RAPGEFL1: variants seen among roughly 807,000 people sequenced by gnomAD.
The protein encoded by RAPGEFL1 is rap guanine nucleotide exchange factor-like 1.
Under a neutral mutation model 64.4 loss-of-function variants are expected in RAPGEFL1, and 31 were observed. That is an observed-to-expected ratio of 0.48 (90% CI 0.36 to 0.65). The LOEUF is 0.65. Ranked by LOEUF, RAPGEFL1 falls within the 30% of genes least tolerant of loss-of-function variation. The pLI is 0.00. For missense variants in RAPGEFL1, 682 were observed against 677.4 expected, an observed-to-expected ratio of 1.01 and a Z score of -0.08; for synonymous variants, 331 against 274.1, an observed-to-expected ratio of 1.21 and a Z score of -2.05.
At chr17:40,177,281 A>G, upstream of RAPGEFL1, 3 of 702,576 alleles carry the variant, frequency 4.3e-6, no homozygotes, top group Non-Finnish European at 2.6e-6. Flanking sequence ...ATCCTTCCCC[A>G]TTGGTAAATC....
In RAPGEFL1 at chr17:40,178,332, G is replaced by T; in HGVS notation, c.471G>T (p.Arg157=). The change falls in exon 1 of 15, where the codon CGG becomes CGT. Residue 157 remains arginine (R), a synonymous_variant. Coordinates refer to ENST00000620260, the MANE Select transcript of RAPGEFL1 (RefSeq NM_016339.6). ...APERPEHLLN[R]VLERLAGGAT... ...AGCGGCCCGAGCATCTTCTGAACCG[G>T]GTTCTGGAGCGGCTTGCTGGAGGGG... 1 of 577,390 alleles carries T rather than the reference G, an allele frequency of 1.7e-6. No individual in the cohort carries two copies. The highest frequency in any genetic ancestry group is 1.9e-5 in the South Asian group (1 of 52,650). The allele number at this position is 577,390 out of a possible 1,614,324, so 35.8% of individuals were successfully genotyped here.
Position 40,191,548 on chromosome 17 carries a change from C to T in RAPGEFL1, c.1515-34C>T. On this transcript the variant is annotated intron_variant, in intron 9 of 14. Coordinates refer to ENST00000620260, the MANE Select transcript of RAPGEFL1 (RefSeq NM_016339.6). The surrounding 1 kb of genome is among the most constrained non-coding windows in gnomAD (Gnocchi z 5.1). Reference sequence around the variant, plus strand: ...GCCGGAGGCCGGAGGCCCGCGCCGCCGCCCGCCCCTGACCCCGCCTCCCAC... The same window carrying T: ...GCCGGAGGCCGGAGGCCCGCGCCGCTGCCCGCCCCTGACCCCGCCTCCCAC... 3 of 1,557,342 alleles carry T rather than the reference C, an allele frequency of 1.9e-6. No homozygotes were observed. The highest frequency in any genetic ancestry group is 4.8e-5 in the East Asian group (2 of 41,802).
rs74792881 is a variant in RAPGEFL1 at position 40,193,875 on chromosome 17, C to T, written c.*87C>T. ...CGATGTCTCAACCAACATCTGACATCTTTCCCGTGGAGCAACTTCCTGCTC... is the reference window on the plus strand; with the variant it reads ...CGATGTCTCAACCAACATCTGACATTTTTCCCGTGGAGCAACTTCCTGCTC... On this transcript the variant is annotated 3_prime_UTR_variant, in exon 15 of 15. Coordinates refer to ENST00000620260, the MANE Select transcript of RAPGEFL1 (RefSeq NM_016339.6). The T allele has an allele frequency of 0.018, 28,838 of 1,563,418 alleles. 470 individuals are homozygous for T. The highest frequency in any genetic ancestry group is 0.019 in the Non-Finnish European group (21,401 of 1,149,428).
In RAPGEFL1 at chr17:40,190,604, C is replaced by G. The variant is rs779446913; in HGVS notation, c.1213-36C>G. ...TGTGAGCAATCCCTCACCCTGCCACCAGGAGCCCAGCCCCTATGCCCCTGC... is the reference window on the plus strand; with the variant it reads ...TGTGAGCAATCCCTCACCCTGCCACGAGGAGCCCAGCCCCTATGCCCCTGC... On this transcript the variant is annotated intron_variant, in intron 7 of 14. Transcript: ENST00000620260. 1.9e-6 allele frequency: 3 copies of G among 1,613,870 alleles called. No homozygotes were observed. The African/African-American group carries it at 4.0e-5, about 22-fold the overall frequency.
chr17:40,179,114 T>A (rs1598437093), intron 1 of RAPGEFL1, among the ~76,000 whole-genome samples: 1 of 151,678 alleles, frequency 6.6e-6, no homozygotes, highest in Non-Finnish European at 1.5e-5. Context: ...TCACCCAGGC[T>A]GGAGTGCAGT....
intron 13 of RAPGEFL1, 131 bp from the exon 14 acceptor site, chr17:40,193,232 G>A (rs1330918789): frequency 2.7e-6 from 3 of 1,097,928 alleles, no homozygotes; most frequent in East Asian, 2.3e-5. Flanking sequence ...CACTCCTTTG[G>A]TCCTTCAGAG....
At chr17:40,182,853 G>A (rs1989934439) in intron 2 of RAPGEFL1, among the ~76,000 whole-genome samples, 1 of 152,086 alleles carries the variant, frequency 6.6e-6, no homozygotes, top group Non-Finnish European at 1.5e-5. Flanking sequence ...TGAGTAGAAT[G>A]TTACAGGCTC....
At chr17:40,185,779 G>T (rs1442745068) in intron 4 of RAPGEFL1, among the ~76,000 whole-genome samples, 11 of 120,934 alleles carry the variant, frequency 9.1e-5, no homozygotes, top group African/African-American at 3.7e-4. Flanking sequence ...GTGAGATTCT[G>T]TCTCAAAAAA....
Position 40,191,458 on chromosome 17 carries a change from C to T in RAPGEFL1, c.1478C>T (p.Ala493Val), listed in dbSNP as rs1484278434. Residue 493 changes from alanine (A) to valine (V), a missense_variant, in exon 9 of 15, where the codon GCG becomes GTG. Transcript: ENST00000620260. This position sits in a 1 kb window ranked among gnomAD's most constrained non-coding sequence, Gnocchi z 5.1. Reference sequence around the variant, plus strand: ...CTCTGCGAGGCCCCGGGCAAGCGCGCGCAGCTGCTCAAGAAGTTCATCAAG... The same window carrying T: ...CTCTGCGAGGCCCCGGGCAAGCGCGTGCAGCTGCTCAAGAAGTTCATCAAG... ...VLLCEAPGKR[A>V]QLLKKFIKIA... The T allele has an allele frequency of 5.0e-6, 8 of 1,607,070 alleles. No individual in the cohort carries two copies. The highest frequency in any genetic ancestry group is 1.7e-5 in the Admixed American group (1 of 59,458).
chr17:40,178,960 T>C (rs1022970753), intron 1 of RAPGEFL1, among the ~76,000 whole-genome samples: 1 of 151,846 alleles, frequency 6.6e-6, no homozygotes, highest in African/African-American at 2.4e-5. Flanking sequence ...ACTCAGAAGG[T>C]GTCTGGGAGG....
chr17:40,188,636 G>A (rs1319227670), intron 4 of RAPGEFL1: 12 of 555,604 alleles, frequency 2.2e-5, no homozygotes, highest in Non-Finnish European at 3.6e-5. Context: ...TTCCTGGTGG[G>A]TGGGGTGGAT....
At chr17:40,182,794 G>A (rs995109394) in intron 2 of RAPGEFL1, among the ~76,000 whole-genome samples, 4 of 152,164 alleles carry the variant, frequency 2.6e-5, no homozygotes, top group African/African-American at 9.7e-5. Context: ...ATGTAAGCAT[G>A]GGCCTCTCAC....
At position 40,177,985 on chromosome 17, in the gene RAPGEFL1, G is replaced by C; in HGVS notation, c.124G>C (p.Gly42Arg). The change falls in exon 1 of 15, where the codon GGG becomes CGG. Residue 42 changes from glycine (G) to arginine (R), a missense_variant. Gly to Arg is a moderately radical substitution (Grantham distance 125). Transcript: ENST00000620260. ...GCCTGGAGGGGGTGGGGGACCCGGC[G>C]GGGGCGGCGGTCCAGCCGGGGGACA... ...GGPGGGGGPGGGGGPAGGQRS... is the reference protein window; with the variant it reads ...GGPGGGGGPGRGGGPAGGQRS... 1 of 480,090 alleles carries C rather than the reference G, an allele frequency of 2.1e-6. No individual in the cohort carries two copies. 29.7% of individuals were successfully genotyped at this position (480,090 alleles called of 1,614,324 possible).
At position 40,191,636 on chromosome 17, in the gene RAPGEFL1, C is replaced by T. The variant is rs904680972; in HGVS notation, c.1569C>T (p.Asp523=). ...TCTACGCCGTGGTCATGGGGCTGGA[C>T]AACGCCGCTGTCAGCCGCCTTCGAC... ...LSFYAVVMGL[D]NAAVSRLRLT... The change falls in exon 10 of 15, where the codon GAC becomes GAT. Residue 523 remains aspartate, a synonymous_variant. Coordinates refer to ENST00000620260, the MANE Select transcript of RAPGEFL1 (RefSeq NM_016339.6). This position sits in a 1 kb window ranked among gnomAD's most constrained non-coding sequence, Gnocchi z 5.1. 2 of 1,613,242 alleles carry T rather than the reference C, an allele frequency of 1.2e-6. No individual in the cohort carries two copies. The highest frequency in any genetic ancestry group is 2.7e-5 in the African/African-American group (2 of 74,928).
chr17:40,188,814 GT>G (rs1567695143), intron 4 of RAPGEFL1, 51 bp from the exon 5 acceptor site: 1 of 1,436,920 alleles, frequency 7.0e-7, no homozygotes, highest in Non-Finnish European at 9.8e-7. Flanking sequence ...CTTGGTGTTG[GT>G]TGTCCATATG....
chr17:40,189,099 C>G, intron 5 of RAPGEFL1, 109 bp from the exon 6 acceptor site: 8 of 1,475,794 alleles, frequency 5.4e-6, no homozygotes, highest in Non-Finnish European at 3.8e-6. Context: ...TTCACAGGAC[C>G]TTCTTCAGAG....
chr17:40,179,691 T>C (rs1989836247), intron 1 of RAPGEFL1, among the ~76,000 whole-genome samples: 1 of 152,200 alleles, frequency 6.6e-6, no homozygotes, highest in African/African-American at 2.4e-5. Flanking sequence ...GGTCTAGCTC[T>C]AGGCATTACT....
At position 40,190,720 on chromosome 17, in the gene RAPGEFL1, C is replaced by T. The variant is rs1990232084; in HGVS notation, c.1293C>T (p.His431=). 8 of 1,614,050 alleles carry T rather than the reference C, an allele frequency of 5.0e-6. No individual in the cohort carries two copies. The highest frequency in any genetic ancestry group is 5.1e-6 in the Non-Finnish European group (6 of 1,180,036). Residue 431 remains histidine, a synonymous_variant, in exon 8 of 15, where the codon CAC becomes CAT. Coordinates refer to ENST00000620260, the MANE Select transcript of RAPGEFL1 (RefSeq NM_016339.6). Reference sequence around the variant, plus strand: ...TGGAGCCTGAGGACGTTGCCAACCACCTAACTGCCTTCCACTGGGAGCTGT... The same window carrying T: ...TGGAGCCTGAGGACGTTGCCAACCATCTAACTGCCTTCCACTGGGAGCTGT... ...HRVEPEDVAN[H]LTAFHWELFR...
chr17:40,188,769 G>GA (rs1408356393), intron 4 of RAPGEFL1, 97 bp from the exon 5 acceptor site: 1 of 948,292 alleles, frequency 1.1e-6, no homozygotes, highest in African/African-American at 1.6e-5. Context: ...GTGCATCCTT[G>GA]ACCCAATTCT....
Sources: gnomAD v4.1 joint callset for allele counts (sites outside exome capture counted in the v4.1 genomes callset) on GRCh38, gnomAD v4.1.1 for gene constraint, Gnocchi (gnomAD v3.1) non-coding constraint, MANE v1.5 for transcripts, NCBI Gene and HGNC (gene_info 2026-07-23, HGNC 2026-07-21) for gene names.